PPIH: variants seen among roughly 807,000 people sequenced by gnomAD.
PPIH encodes peptidylprolyl isomerase H, also known as peptidyl-prolyl cis-trans isomerase H.
PPIH carries 16 observed loss-of-function variants against 27.6 expected under a neutral mutation model. That is an observed-to-expected ratio of 0.58 (90% confidence interval 0.39 to 0.88). The LOEUF (loss-of-function observed/expected upper bound fraction) is 0.88. PPIH is among the 40% of genes least tolerant of loss of function. The probability of loss-of-function intolerance (pLI) is 0.00; values close to 1 mark genes in which losing one functional copy is unlikely to be tolerated. For missense variants in PPIH, 155 were observed against 224.1 expected, an observed-to-expected ratio of 0.69 and a Z score of 1.97; for synonymous variants, 63 against 76.1, an observed-to-expected ratio of 0.83 and a Z score of 0.90.
rs889049446 is a variant in PPIH, at chr1:42,665,698, A to T, written c.337-282A>T. Among the ~76,000 whole-genome samples, 30 of 152,018 alleles carry T rather than the reference A, an allele frequency of 2.0e-4. No homozygotes were observed. In the South Asian group the frequency reaches 3.9e-3, roughly 20 times the overall value. ...AGTCTCTACTTAAAAAAGAAAAAAA[A>T]AATTAGCCAGGTGTGGTGACACACA... On this transcript the variant is annotated intron_variant, in intron 6 of 9. Coordinates refer to ENST00000304979, the MANE Select transcript of PPIH (RefSeq NM_006347.4).
chr1:42,680,191 CG>C (rs917264829), downstream of PPIH, among the ~76,000 whole-genome samples: 3 of 152,082 alleles, frequency 2.0e-5, no homozygotes, highest in Non-Finnish European at 2.9e-5. Context: ...ATACTCCAAA[CG>C]TAACAGTGGC....
downstream of PPIH, among the ~76,000 whole-genome samples, chr1:42,677,752 G>C (rs1480530931): frequency 1.3e-5 from 2 of 152,108 alleles, no homozygotes; most frequent in Non-Finnish European, 2.9e-5. Context: ...TTGAGCCTAG[G>C]AGTTTGGTGT....
chr1:42,677,191 G>A (rs1649917174), downstream of PPIH, among the ~76,000 whole-genome samples: 1 of 152,036 alleles, frequency 6.6e-6, no homozygotes, highest in South Asian at 2.1e-4. Context: ...GTTAGTTTTG[G>A]GACCGGGTGC....
At chr1:42,671,609 A>G (rs12046563) in intron 9 of PPIH, among the ~76,000 whole-genome samples, 32,931 of 152,080 alleles carry the variant, frequency 0.22, 4,017 homozygotes, top group East Asian at 0.49. Context: ...TTATCCTTCA[A>G]TGAATTCTTC....
intron 5 of PPIH, among the ~76,000 whole-genome samples, chr1:42,661,573 C>T (rs1649018068): frequency 6.6e-6 from 1 of 152,168 alleles, no homozygotes; most frequent in African/African-American, 2.4e-5. Flanking sequence ...TTTCTTAAAC[C>T]TGCTTTTGTC....
intron 1 of PPIH, 62 bp from the exon 2 acceptor site, chr1:42,658,782 C>T: frequency 6.3e-7 from 1 of 1,577,892 alleles, no homozygotes; most frequent in Non-Finnish European, 8.7e-7. Flanking sequence ...ATCATGCCCC[C>T]TGCTCCGTGA....
chr1:42,674,239 G>A (rs983307733), intron 9 of PPIH, among the ~76,000 whole-genome samples: 5 of 152,212 alleles, frequency 3.3e-5, no homozygotes, highest in African/African-American at 2.4e-5. Context: ...AAGAGATGAT[G>A]CTTCAGTTTA....
rs766074243 is a variant in PPIH at position 42,664,970 on chromosome 1, A to G, written c.336+15A>G. On this transcript the variant is annotated intron_variant, in intron 6 of 9. Transcript: ENST00000304979. ...TGCTTTCCATGGTAAGTGAGGTCCAATCAAGGTTTTGGGTTATAGCCAGCT... is the reference window on the plus strand; with the variant it reads ...TGCTTTCCATGGTAAGTGAGGTCCAGTCAAGGTTTTGGGTTATAGCCAGCT... 20 of 1,611,604 alleles carry G rather than the reference A, an allele frequency of 1.2e-5. No individual in the cohort carries two copies. The highest frequency in any genetic ancestry group is 1.6e-4 in the Middle Eastern group (1 of 6,080).
downstream of PPIH, among the ~76,000 whole-genome samples, chr1:42,679,521 T>C (rs987783219): frequency 8.5e-5 from 13 of 152,248 alleles, no homozygotes; most frequent in Admixed American, 2.0e-4. Flanking sequence ...TCAGGCTCAC[T>C]GAGCACGAAG....
At position 42,660,967 on chromosome 1, in the gene PPIH, T is replaced by C. The variant is rs765877875; in HGVS notation, c.243+63T>C. On this transcript the variant is annotated intron_variant, in intron 5 of 9. Coordinates refer to ENST00000304979, the MANE Select transcript of PPIH (RefSeq NM_006347.4). ...TTAGTTTTTGTTGTTATTGTTGCAA[T>C]TGCTGTTTTTACTACAGAGACCCAG... The C allele has an allele frequency of 2.7e-6, 4 of 1,467,544 alleles. No individual in the cohort carries two copies. In the African/African-American group the frequency reaches 5.6e-5, roughly 20 times the overall value. The allele number at this position is 1,467,544 out of a possible 1,614,324, so 90.9% of individuals were successfully genotyped here. A position where few individuals can be genotyped will look rare whatever the true frequency, so the allele number is the denominator to read the frequency against.
intron 9 of PPIH, among the ~76,000 whole-genome samples, chr1:42,673,079 C>T (rs1345957815): frequency 6.6e-6 from 1 of 152,068 alleles, no homozygotes; most frequent in Non-Finnish European, 1.5e-5. Context: ...ACTGCAGCCT[C>T]GACCTCCCTG....
rs148848756 is a variant in PPIH at position 42,676,033 on chromosome 1, T to C, written c.*22-551T>C. Among the ~76,000 whole-genome samples the C allele has an allele frequency of 2.5e-3, 375 of 152,358 alleles. 4 individuals carry two copies. The highest frequency in any genetic ancestry group is 0.02 in the South Asian group (96 of 4,824). ...AGGGCAAATAAATGAGATAGTATGC[T>C]TGACCATAAATGTTAGTTGCTTTCT... On this transcript the variant is annotated intron_variant, in intron 9 of 9. Coordinates refer to ENST00000304979, the MANE Select transcript of PPIH (RefSeq NM_006347.4).
chr1:42,666,584 T>G lies in PPIH; in HGVS notation c.462T>G (p.Ile154Met). The G allele has an allele frequency of 6.2e-7, 1 of 1,613,784 alleles. No individual in the cohort carries two copies. The highest frequency in any genetic ancestry group is 1.1e-5 in the South Asian group (1 of 91,076). Residue 154 changes from isoleucine to methionine, a missense_variant, in exon 8 of 10, where the codon ATT (isoleucine) becomes ATG (methionine). Physicochemically the swap from Ile to Met is conservative, Grantham distance 10. Around this residue, in one of 2 missense-constraint regions of PPIH, gnomAD observed 96 missense variants for 175.3 expected, o/e 0.55. Transcript: ENST00000304979. ...IIDGLLVMRK[I>M]ENVPTGPNNK... is the part of the protein sequence containing the mutation. ...ATGGACTTCTAGTGATGAGAAAGAT[T>G]GAGGTAAGTACTGCTTTGATTTTTC... is the stretch of plus-strand genomic sequence containing the variant.
At chr1:42,667,747 A>G (rs1649421264) in intron 9 of PPIH, among the ~76,000 whole-genome samples, 4 of 152,186 alleles carry the variant, frequency 2.6e-5, no homozygotes, top group Admixed American at 6.5e-5. Context: ...TTGTAACAGC[A>G]CTCTCAGACT....
At chr1:42,680,856 T>C (rs1357880323), downstream of PPIH, among the ~76,000 whole-genome samples, 3 of 152,240 alleles carry the variant, frequency 2.0e-5, no homozygotes, top group African/African-American at 7.2e-5. Context: ...TCGGCCAAGC[T>C]TATATTATTA....
intron 8 of PPIH, 84 bp from the exon 9 acceptor site, chr1:42,667,267 G>T (rs1570392926): frequency 8.0e-7 from 1 of 1,254,032 alleles, no homozygotes. Flanking sequence ...CCTTAGCACA[G>T]GGCTGGCAGG....
At chr1:42,659,890 A>G (rs1648908584) in intron 4 of PPIH, among the ~76,000 whole-genome samples, 1 of 152,224 alleles carries the variant, frequency 6.6e-6, no homozygotes, top group Non-Finnish European at 1.5e-5. Context: ...ATTTATAACT[A>G]ATTCCTAAAA....
intron 5 of PPIH, among the ~76,000 whole-genome samples, chr1:42,664,171 T>C (rs897353442): frequency 3.9e-5 from 6 of 152,202 alleles, no homozygotes; most frequent in African/African-American, 1.4e-4. Context: ...ACTAGAACCA[T>C]AGAGAACCAA....
At chr1:42,678,404 T>C (rs911309792), downstream of PPIH, among the ~76,000 whole-genome samples, 11 of 152,098 alleles carry the variant, frequency 7.2e-5, no homozygotes, top group African/African-American at 2.7e-4. Flanking sequence ...TTTGGGTTTT[T>C]TGTTTTTCGT....
Sources: allele counts gnomAD v4.1 joint callset (sites outside exome capture counted in the v4.1 genomes callset), GRCh38; gene constraint gnomAD v4.1.1; regional missense constraint gnomAD v4.1.1; transcripts MANE v1.5; gene names NCBI Gene and HGNC (gene_info 2026-07-23, HGNC 2026-07-21).